The following DOCK1 variants were observed in gnomAD, a reference collection of about 807,000 sequenced individuals.
DOCK1 encodes the protein dedicator of cytokinesis protein 1.
In DOCK1, 138 loss-of-function variants were observed where a neutral mutation model predicts 262.7. That is an observed-to-expected ratio of 0.53 (90% CI 0.46 to 0.61). The LOEUF (loss-of-function observed/expected upper bound fraction) is 0.61. Among genes scored for constraint, DOCK1 ranks in the 20% least tolerant of loss-of-function variants. DOCK1 has a pLI of 0.00. For synonymous variants in DOCK1, 866 were observed against 867.4 expected (o/e 1.00, Z 0.03); for missense variants, 1,908 against 2,370.7 (o/e 0.80, Z 4.05).
intron 25 of DOCK1, among the ~76,000 whole-genome samples, chr10:127,115,834 T>A (rs956846125): frequency 2.6e-5 from 4 of 152,222 alleles, no homozygotes; most frequent in East Asian, 1.9e-4. Context: ...ATCTGACAGC[T>A]TTGGGAAGCT....
intron 30 of DOCK1, among the ~76,000 whole-genome samples, chr10:127,341,479 A>G (rs1042305780): frequency 6.6e-5 from 10 of 152,238 alleles, no homozygotes; most frequent in Non-Finnish European, 1.5e-5. Context: ...GAATTGATAA[A>G]TAAATTTGGA....
At chr10:127,356,195 T>A (rs913205251) in intron 32 of DOCK1, among the ~76,000 whole-genome samples, 4 of 152,162 alleles carry the variant, frequency 2.6e-5, no homozygotes, top group Admixed American at 6.5e-5. Flanking sequence ...CCAGGCACCA[T>A]CCTGTCCTTG....
At chr10:127,422,873 A>G (rs1359304548) in intron 46 of DOCK1, among the ~76,000 whole-genome samples, 1 of 152,130 alleles carries the variant, frequency 6.6e-6, no homozygotes, top group Non-Finnish European at 1.5e-5. Flanking sequence ...TTTTTCCTAT[A>G]AGCTTTTACA....
At chr10:127,212,027 AGG>A (rs534196701) in intron 27 of DOCK1, among the ~76,000 whole-genome samples, 48 of 152,356 alleles carry the variant, frequency 3.2e-4, no homozygotes, top group African/African-American at 1.1e-3. Context: ...TCCTTCTTGA[AGG>A]ACTTGATGCT....
At chr10:127,448,147 C>A (rs2070713306) in intron 51 of DOCK1, among the ~76,000 whole-genome samples, 1 of 152,154 alleles carries the variant, frequency 6.6e-6, no homozygotes, top group Non-Finnish European at 1.5e-5. Context: ...GGGCACCCTC[C>A]CCAGTGCTAG....
intron 27 of DOCK1, among the ~76,000 whole-genome samples, chr10:127,204,445 C>T (rs985765938): frequency 6.6e-6 from 1 of 152,112 alleles, no homozygotes; most frequent in Non-Finnish European, 1.5e-5. Flanking sequence ...CACCACCACA[C>T]CCAGCTAATC....
At position 127,439,207 on chromosome 10, in the gene DOCK1, T is replaced by A; in HGVS notation, c.5241T>A (p.Ala1747=). Residue 1747 remains alanine, a synonymous_variant, in exon 49 of 52, where the codon GCT becomes GCA. Transcript: ENST00000623213. Reference sequence around the variant, plus strand: ...ACATTTCCCTGCAGCAGTCTGAGGCTGTGATCCTTTCGGAAACGGTAACCC... The same window carrying A: ...ACATTTCCCTGCAGCAGTCTGAGGCAGTGATCCTTTCGGAAACGGTAACCC... ...PTDISLQQSE[A]VILSETISPL... is the part of the protein sequence containing the mutation. The A allele has an allele frequency of 6.2e-7, 1 of 1,610,986 alleles. No individual in the cohort carries two copies.
intron 38 of DOCK1, among the ~76,000 whole-genome samples, chr10:127,389,438 C>T (rs11597444): frequency 0.3 from 46,283 of 152,048 alleles, 7,447 homozygotes; most frequent in Admixed American, 0.46. Flanking sequence ...CATTCCCAGA[C>T]TGTAATTATC....
chr10:127,277,331 AATAG>A (rs2060778823), intron 29 of DOCK1, among the ~76,000 whole-genome samples: 1 of 152,194 alleles, frequency 6.6e-6, no homozygotes, highest in African/African-American at 2.4e-5. Flanking sequence ...CCAATAGATA[AATAG>A]ATCCATTTCA....
intron 23 of DOCK1, among the ~76,000 whole-genome samples, chr10:127,076,184 C>G (rs777356546): frequency 2.0e-5 from 3 of 152,156 alleles, no homozygotes; most frequent in Non-Finnish European, 4.4e-5. Context: ...AAAACCTCAA[C>G]TAAAATGATC....
At chr10:127,231,994 G>T (rs761369253) in intron 27 of DOCK1, among the ~76,000 whole-genome samples, 27 of 152,296 alleles carry the variant, frequency 1.8e-4, no homozygotes, top group Non-Finnish European at 3.8e-4. Flanking sequence ...TTCTAGTGAG[G>T]AGAGACATAA....
At chr10:127,309,152 C>T (rs1410847810) in intron 29 of DOCK1, among the ~76,000 whole-genome samples, 3 of 151,950 alleles carry the variant, frequency 2.0e-5, no homozygotes, top group African/African-American at 4.8e-5. Flanking sequence ...GATGCTGTCT[C>T]GTTGTGGTTT....
At chr10:127,050,704 G>GAA (rs112955723) in intron 21 of DOCK1, among the ~76,000 whole-genome samples, 4 of 117,320 alleles carry the variant, frequency 3.4e-5, no homozygotes, top group Admixed American at 9.0e-5. Context: ...GACTCTGTCT[G>GAA]AAAAAAAAAA....
At chr10:127,335,409 A>G (rs1590527740) in intron 29 of DOCK1, among the ~76,000 whole-genome samples, 1 of 152,304 alleles carries the variant, frequency 6.6e-6, no homozygotes, top group South Asian at 2.1e-4. Flanking sequence ...TCCCATCCAA[A>G]CACTTGGCTT....
At chr10:127,439,343 CTCAGAAACCTGGGG>C in intron 49 of DOCK1, 118 bp downstream of exon 49, 1 of 1,089,342 alleles carries the variant, frequency 9.2e-7, no homozygotes, top group Non-Finnish European at 1.3e-6. Flanking sequence ...AAATTAGCAA[CTCAGAAACCTGGGG>C]TCCTCCTCCC....
chr10:127,094,788 G>A (rs770873346), intron 23 of DOCK1, among the ~76,000 whole-genome samples: 4 of 152,194 alleles, frequency 2.6e-5, no homozygotes, highest in Admixed American at 6.5e-5. Context: ...TTTTCCTGCA[G>A]TTCAGACCCT....
intron 23 of DOCK1, among the ~76,000 whole-genome samples, chr10:127,063,516 A>G (rs532820187): frequency 2.0e-5 from 3 of 152,292 alleles, no homozygotes; most frequent in East Asian, 3.9e-4. Context: ...TGATTTATAC[A>G]GAAAGAAATG....
intron 33 of DOCK1, among the ~76,000 whole-genome samples, chr10:127,367,104 A>G (rs1308350351): frequency 6.6e-6 from 1 of 152,172 alleles, no homozygotes; most frequent in East Asian, 1.9e-4. Flanking sequence ...AAAACCTGCT[A>G]TTTTACTCAG....
intron 40 of DOCK1, among the ~76,000 whole-genome samples, chr10:127,407,866 C>A (rs2067609394): frequency 6.6e-6 from 1 of 152,056 alleles, no homozygotes; most frequent in African/African-American, 2.4e-5. Context: ...TTCTTGTACC[C>A]CTGTGGCTTC....
Sources: allele counts gnomAD v4.1 joint callset (sites outside exome capture counted in the v4.1 genomes callset), GRCh38; gene constraint gnomAD v4.1.1; transcripts MANE v1.5; gene names NCBI Gene and HGNC (gene_info 2026-07-23, HGNC 2026-07-21).